Variants in SLC26A8 observed in about 807,000 individuals in gnomAD.
The protein encoded by SLC26A8 is solute carrier family 26 member 8.
Under a neutral mutation model 105.0 loss-of-function variants are expected in SLC26A8, and 70 were observed. The observed-to-expected ratio is 0.67, with a 90% CI of 0.55 to 0.81. The LOEUF is 0.81. Among genes scored for constraint, SLC26A8 ranks in the 40% least tolerant of loss-of-function variants. SLC26A8 has a pLI of 0.00. For synonymous variants in SLC26A8, 415 were observed against 438.3 expected, an observed-to-expected ratio of 0.95 and a Z score of 0.66; for missense variants, 998 against 1,181.8, an observed-to-expected ratio of 0.84 and a Z score of 2.28.
chr6:35,960,434 TTGAC>T (rs903312374), intron 14 of SLC26A8: 7 of 180,772 alleles, frequency 3.9e-5, no homozygotes, highest in South Asian at 1.3e-4. Flanking sequence ...GGCAAGCAGA[TTGAC>T]TGAGCTCAGG....
At chr6:35,970,925 G>C (rs1047252509) in intron 10 of SLC26A8, among the ~76,000 whole-genome samples, 2 of 152,074 alleles carry the variant, frequency 1.3e-5, no homozygotes, top group Non-Finnish European at 2.9e-5. Flanking sequence ...CTACTTGGGA[G>C]GCTGAGGCAG....
rs764760105 is a variant in SLC26A8, at chr6:35,943,993, C to G, written c.2820G>C (p.Gln940His). Reference sequence around the variant, plus strand: ...ACCATGTCCGAGTCTGAGTCTGAGACTGGGTGGAAGCCATAGACGGATGAT... The same window carrying G: ...ACCATGTCCGAGTCTGAGTCTGAGAGTGGGTGGAAGCCATAGACGGATGAT... Reference protein sequence around the residue: ...PMYHPSMASTQSQTQTRTWSV... With the variant: ...PMYHPSMASTHSQTQTRTWSV... The change falls in exon 20 of 20, where the codon CAG becomes CAC. Residue 940 changes from glutamine to histidine, a missense_variant. By Grantham distance (24) the Gln-to-His change is conservative. Coordinates refer to ENST00000490799, the MANE Select transcript of SLC26A8 (RefSeq NM_052961.4). 5.0e-6 allele frequency: 8 copies of G among 1,614,046 alleles called. No individual in the cohort carries two copies. Among genetic ancestry groups the G allele is most frequent in the Non-Finnish European group, 6.8e-6 (8 of 1,180,050 alleles).
intron 3 of SLC26A8, among the ~76,000 whole-genome samples, chr6:36,009,382 A>G (rs1464288020): frequency 6.6e-6 from 1 of 150,812 alleles, no homozygotes; most frequent in Non-Finnish European, 1.5e-5. Flanking sequence ...AACAACAACA[A>G]CAAACCTGCA....
intron 16 of SLC26A8, 43 bp from the exon 17 acceptor site, chr6:35,955,563 CA>C: frequency 6.3e-7 from 1 of 1,596,710 alleles, no homozygotes; most frequent in Non-Finnish European, 8.5e-7. Context: ...AAGACACCAA[CA>C]AGGGCCGGAA....
Position 35,954,938 on chromosome 6 carries a change from C to A in SLC26A8, c.2232+214G>T, listed in dbSNP as rs554463022. The A allele has an allele frequency of 1.5e-4, 79 of 514,438 alleles. No homozygotes were observed. In the South Asian group the frequency reaches 1.6e-3, roughly 11 times the overall value. The allele number at this position is 514,438 out of a possible 1,614,324, so 31.9% of individuals were successfully genotyped here. A position where few individuals can be genotyped will look rare whatever the true frequency, so the allele number is the denominator to read the frequency against. The stretch of plus-strand genomic sequence containing the variant: ...CCAGCCTGGGCAACAGAGTGAGGCT[C>A]CATCTCAAAAAAGAAAAAAGAAAAA... On this transcript the variant is annotated intron_variant, in intron 17 of 19. Coordinates refer to ENST00000490799, the MANE Select transcript of SLC26A8 (RefSeq NM_052961.4).
chr6:36,004,665 C>CT (rs1419040383), intron 3 of SLC26A8, among the ~76,000 whole-genome samples: 7 of 82,558 alleles, frequency 8.5e-5, no homozygotes, highest in African/African-American at 2.1e-4. Flanking sequence ...TACTTTTTTT[C>CT]TTTTTTTTGT....
rs915795774 is a variant in SLC26A8 at position 36,019,618 on chromosome 6, G to A, written c.90C>T (p.Tyr30=). 17 of 1,614,020 alleles carry A rather than the reference G, an allele frequency of 1.1e-5. No homozygotes were observed. The Admixed American group carries it at 1.8e-4, about 17-fold the overall frequency. ...GTTCCTGTTGAAAGGTCTCCTCATT[G>A]TATACTTCACGCTTAACATCATATG... ...SFAYDVKREV[Y]NEETFQQEHK... The change falls in exon 2 of 20, where the codon TAC becomes TAT. Residue 30 remains tyrosine (Y), a synonymous_variant. Coordinates refer to ENST00000490799, the MANE Select transcript of SLC26A8 (RefSeq NM_052961.4).
chr6:35,967,848 T>C (rs1772580679), intron 11 of SLC26A8, among the ~76,000 whole-genome samples: 1 of 152,144 alleles, frequency 6.6e-6, no homozygotes, highest in African/African-American at 2.4e-5. Flanking sequence ...AATAATAACT[T>C]AATTTTATTT....
At chr6:35,958,609 T>G (rs927855514) in intron 16 of SLC26A8, among the ~76,000 whole-genome samples, 3 of 152,142 alleles carry the variant, frequency 2.0e-5, no homozygotes, top group Non-Finnish European at 4.4e-5. Flanking sequence ...GCCAACATGG[T>G]GAAACCCCTT....
chr6:35,982,216 A>C lies in SLC26A8; in HGVS notation c.943-13T>G. 6.2e-7 allele frequency: 1 copy of C among 1,613,630 alleles called. No homozygotes were observed. Among genetic ancestry groups the C allele is most frequent in the Non-Finnish European group, 8.5e-7 (1 of 1,179,672 alleles). On this transcript the variant is annotated splice_polypyrimidine_tract_variant and intron_variant, in intron 7 of 19. Transcript: ENST00000490799. ...TGAAGCCAATAATCTGTAGGGGGTA[A>C]AAAAAGAAGGGATGGGGGCATATGA...
chr6:35,970,947 G>C (rs1003046040), intron 10 of SLC26A8, among the ~76,000 whole-genome samples: 1 of 152,088 alleles, frequency 6.6e-6, no homozygotes, highest in Admixed American at 6.6e-5. Flanking sequence ...AGAATCGTTT[G>C]CACCTGGGAG....
In SLC26A8 at chr6:35,975,373, A is replaced by C. The variant is rs1772965238; in HGVS notation, c.1287+2T>G. The C allele has an allele frequency of 6.5e-7, 1 of 1,541,320 alleles. No homozygotes were observed. Among genetic ancestry groups the C allele is most frequent in the South Asian group, 1.1e-5 (1 of 88,954 alleles). ...TAGAGATCAAATTGTATTTCAACATACCTGTTGTCTTCCTCCAGATTTATC... is the reference window on the plus strand; with the variant it reads ...TAGAGATCAAATTGTATTTCAACATCCCTGTTGTCTTCCTCCAGATTTATC... On this transcript the variant is annotated splice_donor_variant, in intron 10 of 19. Coordinates refer to ENST00000490799, the MANE Select transcript of SLC26A8 (RefSeq NM_052961.4). LOFTEE classifies it high-confidence loss of function.
At chr6:36,019,847 T>G in intron 1 of SLC26A8, 138 bp from the exon 2 acceptor site, 1 of 814,890 alleles carries the variant, frequency 1.2e-6, no homozygotes, top group Non-Finnish European at 1.8e-6. Context: ...AAACTCTTTC[T>G]CAAAGTTGTA....
chr6:35,966,950 G>A (rs1772542083), intron 11 of SLC26A8, among the ~76,000 whole-genome samples: 1 of 152,026 alleles, frequency 6.6e-6, no homozygotes, highest in African/African-American at 2.4e-5. Context: ...TTGTTTGTTT[G>A]GAATTTTAAA....
At chr6:36,017,273 A>C (rs1562076476) in intron 2 of SLC26A8, among the ~76,000 whole-genome samples, 1 of 152,192 alleles carries the variant, frequency 6.6e-6, no homozygotes, top group Non-Finnish European at 1.5e-5. Flanking sequence ...CAAGTTTCTT[A>C]AATATGGCAC....
chr6:36,016,320 C>T (rs1274117270), intron 2 of SLC26A8, among the ~76,000 whole-genome samples: 1 of 151,916 alleles, frequency 6.6e-6, no homozygotes, highest in Non-Finnish European at 1.5e-5. Flanking sequence ...GTTTGTGGAC[C>T]CCCAAGGAGT....
At chr6:35,977,955 G>A (rs1192370057) in intron 8 of SLC26A8, among the ~76,000 whole-genome samples, 1 of 151,720 alleles carries the variant, frequency 6.6e-6, no homozygotes, top group Non-Finnish European at 1.5e-5. Flanking sequence ...GTGTGGTGGC[G>A]TGCATCTGTA....
intron 10 of SLC26A8, among the ~76,000 whole-genome samples, chr6:35,971,895 C>T (rs956375394): frequency 1.3e-5 from 2 of 152,168 alleles, no homozygotes; most frequent in Admixed American, 1.3e-4. Context: ...TTGGAGAACA[C>T]GGAAGCACAG....
At chr6:35,972,613 G>A (rs1772839932) in intron 10 of SLC26A8, among the ~76,000 whole-genome samples, 1 of 152,180 alleles carries the variant, frequency 6.6e-6, no homozygotes, top group Non-Finnish European at 1.5e-5. Flanking sequence ...GCCTCAGGGA[G>A]GGCTTCTCAG....
Sources: allele counts gnomAD v4.1 joint callset (sites outside exome capture counted in the v4.1 genomes callset), GRCh38; gene constraint gnomAD v4.1.1; transcripts MANE v1.5; gene names NCBI Gene and HGNC (gene_info 2026-07-23, HGNC 2026-07-21).